TIAM2: variants seen among roughly 807,000 people sequenced by gnomAD.
TIAM2 encodes rho guanine nucleotide exchange factor TIAM2.
Under a neutral mutation model 152.9 loss-of-function variants are expected in TIAM2, and 80 were observed. The observed-to-expected ratio is 0.52, with a 90% confidence interval of 0.44 to 0.63. TIAM2 has a LOEUF of 0.63. Ranked by LOEUF, TIAM2 falls within the 30% of genes least tolerant of loss-of-function variation. TIAM2 has a pLI of 0.00. For synonymous variants in TIAM2, 804 were observed against 838.0 expected (o/e 0.96, Z 0.70); for missense variants, 1,965 against 2,120.1 (o/e 0.93, Z 1.44).
At chr6:155,055,924 T>C (rs890661037) in intron 1 of TIAM2, among the ~76,000 whole-genome samples, 1 of 151,428 alleles carries the variant, frequency 6.6e-6, no homozygotes, top group Admixed American at 6.6e-5. Flanking sequence ...ATCACGCCAC[T>C]GCACCCCAGC....
chr6:155,061,166 T>A (rs1777571591), intron 1 of TIAM2, among the ~76,000 whole-genome samples: 4 of 152,230 alleles, frequency 2.6e-5, no homozygotes, highest in Admixed American at 2.6e-4. Context: ...GAAGTTTTTG[T>A]ATGCATACTA....
chr6:155,110,318 C>CTTTTTTTTTTTTTTTTTTTTTTTTTT (rs67332964), intron 2 of TIAM2, among the ~76,000 whole-genome samples: 1 of 133,800 alleles, frequency 7.5e-6, no homozygotes, highest in African/African-American at 2.8e-5. Context: ...TCTTTCTTTT[C>CTTTTTTTTTTTTTTTTTTTTTTTTTT]TTTTTTTTTT....
intron 1 of TIAM2, chr6:155,005,011 G>T: frequency 2.0e-6 from 1 of 508,456 alleles, no homozygotes; most frequent in South Asian, 4.1e-5. Context: ...CATGTGAAGA[G>T]GCAGAAGGCA....
In TIAM2 at chr6:155,240,561, G is replaced by C; in HGVS notation, c.3200G>C (p.Ser1067Thr). 1.2e-6 allele frequency: 2 copies of C among 1,614,086 alleles called. No homozygotes were observed. Among genetic ancestry groups the C allele is most frequent in the East Asian group, 2.2e-5 (1 of 44,888 alleles). Reference sequence around the variant, plus strand: ...GAGCAGATCACTGCACTGTGCAGGAGTTTTAACGACAGTCAGGCCAACGGC... The same window carrying C: ...GAGCAGATCACTGCACTGTGCAGGACTTTTAACGACAGTCAGGCCAACGGC... ...SAEQITALCR[S>T]FNDSQANGME... The change falls in exon 16 of 27, where the codon AGT becomes ACT. Residue 1067 changes from serine (S) to threonine (T), a missense_variant. Around this residue, in one of 3 missense-constraint regions of TIAM2, gnomAD observed 935 missense variants for 980.0 expected, o/e 0.95. Coordinates refer to ENST00000682666, the MANE Select transcript of TIAM2 (RefSeq NM_012454.4).
intron 1 of TIAM2, among the ~76,000 whole-genome samples, chr6:155,073,806 A>C (rs1265193106): frequency 6.6e-6 from 1 of 152,204 alleles, no homozygotes; most frequent in Non-Finnish European, 1.5e-5. Flanking sequence ...TTAGAAGAGG[A>C]GTTTGGAACC....
chr6:155,187,573 C>CCGTTTTTTTT, intron 14 of TIAM2, among the ~76,000 whole-genome samples: 1 of 49,622 alleles, frequency 2.0e-5, no homozygotes, highest in South Asian at 9.5e-4. Flanking sequence ...ACCCCGCCCC[C>CCGTTTTTTTT]TTTTTTTTTT....
chr6:155,005,320 T>G (rs73795818), intron 1 of TIAM2: 166 of 193,488 alleles, frequency 8.6e-4, no homozygotes, highest in African/African-American at 3.8e-3. Flanking sequence ...CCTGAGAGAG[T>G]TTTTTGTTTT....
At chr6:155,052,473 A>T (rs1036736225) in intron 1 of TIAM2, among the ~76,000 whole-genome samples, 1 of 152,100 alleles carries the variant, frequency 6.6e-6, no homozygotes, top group African/African-American at 2.4e-5. Context: ...GGATTAAGAA[A>T]TTGATAGCCT....
chr6:155,029,771 T>G (rs1237064941), intron 1 of TIAM2, among the ~76,000 whole-genome samples: 2 of 123,926 alleles, frequency 1.6e-5, no homozygotes, highest in South Asian at 2.4e-4. Flanking sequence ...GAAAAAAACC[T>G]AAAGACTTTT....
rs572310933 is a variant in TIAM2, at chr6:155,154,552, GAGTTGTAA to G, written c.2028+6220_2028+6227del. ...CGCCTTTGAAGTTCCCAGGGAGGAA[GAGTTGTAA>G]ATTAAGTCCAGTTAGTACTTTATTT... On this transcript the variant is annotated intron_variant, in intron 7 of 26. Coordinates refer to ENST00000682666, the MANE Select transcript of TIAM2 (RefSeq NM_012454.4). 5.4e-3 allele frequency among the ~76,000 whole-genome samples: 819 copies of G among 152,330 alleles called. 9 individuals carry two copies. Among genetic ancestry groups the G allele is most frequent in the African/African-American group, 0.018 (763 of 41,582 alleles).
chr6:155,198,739 A>T (rs1469431328), intron 14 of TIAM2, among the ~76,000 whole-genome samples: 3 of 150,146 alleles, frequency 2.0e-5, no homozygotes, highest in Non-Finnish European at 4.4e-5. Flanking sequence ...ATTATGGGGG[A>T]TAAAAGGAAT....
chr6:155,165,976 T>C (rs1780425814), intron 9 of TIAM2, among the ~76,000 whole-genome samples: 1 of 152,158 alleles, frequency 6.6e-6, no homozygotes, highest in Admixed American at 6.5e-5. Flanking sequence ...ACACTTTTCC[T>C]TCCCTCTAGT....
intron 15 of TIAM2, 118 bp downstream of exon 15, chr6:155,211,425 C>T (rs1031159742): frequency 2.0e-5 from 14 of 693,122 alleles, no homozygotes; most frequent in East Asian, 2.9e-5. Context: ...GCAGTTGATA[C>T]AAACATACAT....
intron 10 of TIAM2, 146 bp downstream of exon 10, chr6:155,177,123 A>T: frequency 1.4e-6 from 1 of 726,964 alleles, no homozygotes; most frequent in Middle Eastern, 4.2e-4. Flanking sequence ...TAATATATTT[A>T]TTAGCATATT....
At chr6:155,031,951 G>A (rs1215151342) in intron 1 of TIAM2, among the ~76,000 whole-genome samples, 2 of 152,076 alleles carry the variant, frequency 1.3e-5, no homozygotes, top group Non-Finnish European at 1.5e-5. Flanking sequence ...ATTTTAATTC[G>A]TATTTTGAAG....
intron 5 of TIAM2, among the ~76,000 whole-genome samples, chr6:155,141,583 T>C (rs950342800): frequency 2.6e-5 from 4 of 152,196 alleles, no homozygotes; most frequent in South Asian, 2.1e-4. Context: ...GAGGATGTAA[T>C]AAATTTTCAA....
intron 2 of TIAM2, among the ~76,000 whole-genome samples, chr6:155,115,165 T>C (rs1472920885): frequency 9.1e-6 from 1 of 110,358 alleles, no homozygotes; most frequent in African/African-American, 2.9e-5. Context: ...AAAGTTAAAT[T>C]GTACTAAAAA....
At chr6:155,139,039 C>A (rs78669813) in intron 5 of TIAM2, among the ~76,000 whole-genome samples, 1,773 of 152,336 alleles carry the variant, frequency 0.012, 29 homozygotes, top group African/African-American at 0.04. Context: ...TTCTGCACAG[C>A]CCCCTGGGAC....
intron 14 of TIAM2, among the ~76,000 whole-genome samples, chr6:155,191,766 G>C (rs544489977): frequency 6.6e-6 from 1 of 151,970 alleles, no homozygotes; most frequent in South Asian, 2.1e-4. Flanking sequence ...CTGCATTCCA[G>C]CCTGGATGAC....
Sources: gnomAD v4.1 joint callset for allele counts (sites outside exome capture counted in the v4.1 genomes callset) on GRCh38, gnomAD v4.1.1 for gene constraint, gnomAD v4.1.1 regional missense constraint, MANE v1.5 for transcripts, NCBI Gene and HGNC (gene_info 2026-07-23, HGNC 2026-07-21) for gene names.